The following HSD17B13 variants were observed in gnomAD, a reference collection of about 807,000 sequenced individuals.
HSD17B13 encodes hydroxysteroid 17-beta dehydrogenase 13.
In HSD17B13, 26 loss-of-function variants were observed where a neutral mutation model predicts 31.1. That is an observed-to-expected ratio of 0.84 (90% CI 0.61 to 1.16). HSD17B13 has a LOEUF of 1.16. Ranked by LOEUF, HSD17B13 falls within the 50% of genes most tolerant of loss-of-function variation. The pLI is 0.00. For missense variants in HSD17B13, 374 were observed against 366.5 expected, an observed-to-expected ratio of 1.02 and a Z score of -0.17; for synonymous variants, 141 against 133.7, an observed-to-expected ratio of 1.05 and a Z score of -0.38.
intron 5 of HSD17B13, 40 bp downstream of exon 5, chr4:87,313,783 A>C (rs530612782): frequency 6.4e-7 from 1 of 1,566,518 alleles, no homozygotes; most frequent in African/African-American, 1.4e-5. Flanking sequence ...ATATCAATTT[A>C]TCATACCACA....
At chr4:87,311,302 G>C (rs1734525365) in intron 5 of HSD17B13, among the ~76,000 whole-genome samples, 1 of 152,104 alleles carries the variant, frequency 6.6e-6, no homozygotes, top group African/African-American at 2.4e-5. Context: ...CTTCTCCATG[G>C]AGTAGCTGTT....
chr4:87,312,020 T>G (rs1487785033), intron 5 of HSD17B13, among the ~76,000 whole-genome samples: 1 of 152,108 alleles, frequency 6.6e-6, no homozygotes, highest in Non-Finnish European at 1.5e-5. Context: ...TATTTAGCAT[T>G]GCCTGTGTCT....
In HSD17B13 at chr4:87,303,917, CAA is replaced by C. The variant is rs1219887242; in HGVS notation, c.*1299_*1300del. The C allele has an allele frequency of 6.6e-6, 1 of 151,190 alleles. No homozygotes were observed. Among genetic ancestry groups the C allele is most frequent in the Admixed American group, 6.6e-5 (1 of 15,204 alleles). 9.4% of individuals were successfully genotyped at this position (151,190 alleles called of 1,614,324 possible). On this transcript the variant is annotated 3_prime_UTR_variant, in exon 7 of 7. Coordinates refer to ENST00000328546, the MANE Select transcript of HSD17B13 (RefSeq NM_178135.5). ...AAAAATCATTTGTTTTTAATAAAAA[CAA>C]GAGGATAGTCCATGCAAAAGCATTC... is the stretch of plus-strand genomic sequence containing the variant.
chr4:87,316,143 A>G lies in HSD17B13; in HGVS notation c.451-544T>C, dbSNP rs147079751. Among the ~76,000 whole-genome samples, 619 of 152,232 alleles carry G rather than the reference A, an allele frequency of 4.1e-3. 3 individuals are homozygous for G. The highest frequency in any genetic ancestry group is 0.014 in the African/African-American group (577 of 41,548). On this transcript the variant is annotated intron_variant, in intron 3 of 6. Coordinates refer to ENST00000328546, the MANE Select transcript of HSD17B13 (RefSeq NM_178135.5). ...AAACAAGTCTTTCTTTTTTTCCAAA[A>G]ACCTCTTTTGTGAGAAACATCAATA...
Position 87,322,779 on chromosome 4 carries a change from C to T in HSD17B13, c.63G>A (p.Ser21=), listed in dbSNP as rs147733873. 1.7e-5 allele frequency: 27 copies of T among 1,613,990 alleles called. No homozygotes were observed. Among genetic ancestry groups the T allele is most frequent in the Admixed American group, 5.0e-5 (3 of 60,004 alleles). ...TCTGAGGAATGAAAAACTTCACCAA[C>T]GACTCCAAGTAGGAGTAGATGATGG... ...LITIIYSYLE[S]LVKFFIPQRR... Residue 21 remains serine, a synonymous_variant, in exon 1 of 7, where the codon TCG becomes TCA. Transcript: ENST00000328546.
chr4:87,310,168 T>C lies in HSD17B13; in HGVS notation c.812+75A>G, dbSNP rs1405334995. Reference sequence around the variant, plus strand: ...CAGCCAGGGTGACAGAGTGAGACTCTGTCTAAAAAAAAAAAAAGCAAAAAA... The same window carrying C: ...CAGCCAGGGTGACAGAGTGAGACTCCGTCTAAAAAAAAAAAAAGCAAAAAA... On this transcript the variant is annotated intron_variant, in intron 6 of 6. Coordinates refer to ENST00000328546, the MANE Select transcript of HSD17B13 (RefSeq NM_178135.5). 5 of 1,424,006 alleles carry C rather than the reference T, an allele frequency of 3.5e-6. No individual in the cohort carries two copies. In the African/African-American group the frequency reaches 8.5e-5, roughly 24 times the overall value. The allele number at this position is 1,424,006 out of a possible 1,614,324, so 88.2% of individuals were successfully genotyped here.
At position 87,313,856 on chromosome 4, in the gene HSD17B13, A is replaced by C; in HGVS notation, c.662T>G (p.Val221Gly). 6.2e-7 allele frequency: 1 copy of C among 1,612,778 alleles called. No homozygotes were observed. The highest frequency in any genetic ancestry group is 8.5e-7 in the Non-Finnish European group (1 of 1,179,366). ...TGGATTTTTGGTGAACCCAGTATTC[A>C]CAAAAACTGGGCAGAGACATGAGGT... Reference protein sequence around the residue: ...IKTSCLCPVFVNTGFTKNPST... With the variant: ...IKTSCLCPVFGNTGFTKNPST... Residue 221 changes from valine (V) to glycine (G), a missense_variant, in exon 5 of 7, where the codon GTG becomes GGG. Physicochemically the swap from Val to Gly is moderately radical, Grantham distance 109. Transcript: ENST00000328546.
intron 3 of HSD17B13, among the ~76,000 whole-genome samples, chr4:87,316,588 T>G (rs952311935): frequency 1.3e-5 from 2 of 152,206 alleles, no homozygotes; most frequent in Non-Finnish European, 2.9e-5. Context: ...ATAGCTGCAT[T>G]TCTCAGTTCC....
intron 1 of HSD17B13, among the ~76,000 whole-genome samples, chr4:87,319,743 G>C (rs918705601): frequency 1.3e-5 from 2 of 152,194 alleles, no homozygotes; most frequent in African/African-American, 4.8e-5. Context: ...CAAGGCCACT[G>C]GATGGATTTC....
chr4:87,321,577 G>C (rs1002634201), intron 1 of HSD17B13, among the ~76,000 whole-genome samples: 1 of 152,074 alleles, frequency 6.6e-6, no homozygotes, highest in African/African-American at 2.4e-5. Flanking sequence ...CTTCCAGAAA[G>C]TTCATTCGAA....
chr4:87,321,698 T>A (rs1052308851), intron 1 of HSD17B13, among the ~76,000 whole-genome samples: 19 of 152,188 alleles, frequency 1.2e-4, no homozygotes, highest in African/African-American at 4.3e-4. Flanking sequence ...TTGTATAGTA[T>A]TCTTCACTAT....
intron 6 of HSD17B13, 24 bp downstream of exon 6, chr4:87,310,219 T>C (rs1209162336): frequency 6.5e-7 from 1 of 1,532,638 alleles, no homozygotes; most frequent in Non-Finnish European, 8.7e-7. Context: ...GTTTTAGTAT[T>C]TGGGTGTTCT....
At chr4:87,314,796 T>G (rs762648551) in intron 4 of HSD17B13, among the ~76,000 whole-genome samples, 3 of 152,210 alleles carry the variant, frequency 2.0e-5, no homozygotes, top group Admixed American at 6.5e-5. Context: ...TGCTTCTCAG[T>G]CTGTGGGGTT....
chr4:87,318,503 A>C, intron 1 of HSD17B13, 67 bp from the exon 2 acceptor site: 3 of 1,365,882 alleles, frequency 2.2e-6, no homozygotes, highest in Non-Finnish European at 3.1e-6. Flanking sequence ...AAAAATTTTT[A>C]GACAATTAAC....
At chr4:87,306,555 G>T (rs1178422628) in intron 6 of HSD17B13, among the ~76,000 whole-genome samples, 1 of 152,132 alleles carries the variant, frequency 6.6e-6, no homozygotes, top group Non-Finnish European at 1.5e-5. Context: ...GATAGTGGAG[G>T]AAAGCTTCAA....
chr4:87,307,933 T>A (rs1252155596), intron 6 of HSD17B13, among the ~76,000 whole-genome samples: 1 of 152,228 alleles, frequency 6.6e-6, no homozygotes, highest in Non-Finnish European at 1.5e-5. Context: ...CTCAAATTGT[T>A]CTATTTCAAG....
intron 6 of HSD17B13, among the ~76,000 whole-genome samples, chr4:87,307,276 G>A (rs1734411296): frequency 6.6e-6 from 1 of 152,144 alleles, no homozygotes; most frequent in African/African-American, 2.4e-5. Context: ...CACCATGACA[G>A]CTTCAAAGGA....
At chr4:87,312,587 T>G (rs1168504619) in intron 5 of HSD17B13, among the ~76,000 whole-genome samples, 1 of 124,506 alleles carries the variant, frequency 8.0e-6, no homozygotes, top group African/African-American at 3.1e-5. Flanking sequence ...TGGAGTGCAG[T>G]GGCGCGATCT....
At chr4:87,306,905 TAAAAAAAAA>T (rs67775053) in intron 6 of HSD17B13, among the ~76,000 whole-genome samples, 8 of 44,286 alleles carry the variant, frequency 1.8e-4, no homozygotes, top group African/African-American at 7.4e-4. Flanking sequence ...AGACCCAATC[TAAAAAAAAA>T]AAAAAAAAAA....
Sources: gnomAD v4.1 joint callset for allele counts (sites outside exome capture counted in the v4.1 genomes callset) on GRCh38, gnomAD v4.1.1 for gene constraint, MANE v1.5 for transcripts, NCBI Gene and HGNC (gene_info 2026-07-23, HGNC 2026-07-21) for gene names.